Variants in ANKS1B observed in about 807,000 individuals in gnomAD.
The protein encoded by ANKS1B is ankyrin repeat and sterile alpha motif domain-containing protein 1B.
Under a neutral mutation model 148.3 loss-of-function variants are expected in ANKS1B, and 36 were observed. That is an observed-to-expected ratio of 0.24 (90% CI 0.19 to 0.32). The LOEUF is 0.32. Ranked by LOEUF, ANKS1B falls within the 10% of genes least tolerant of loss-of-function variation. The pLI, the probability that ANKS1B is intolerant of heterozygous loss-of-function variation, is 1.00. For synonymous variants in ANKS1B, 542 were observed against 560.8 expected, an observed-to-expected ratio of 0.97 and a Z score of 0.47; for missense variants, 1,157 against 1,542.6, an observed-to-expected ratio of 0.75 and a Z score of 4.19.
intron 12 of ANKS1B, among the ~76,000 whole-genome samples, chr12:99,256,940 T>C (rs1329561498): frequency 6.6e-6 from 1 of 152,170 alleles, no homozygotes; most frequent in Non-Finnish European, 1.5e-5. Flanking sequence ...TCTCCTACAT[T>C]TTTTAAAAAA....
At chr12:99,578,649 G>A (rs957740442) in intron 9 of ANKS1B, among the ~76,000 whole-genome samples, 2 of 152,096 alleles carry the variant, frequency 1.3e-5, no homozygotes, top group Admixed American at 6.5e-5. Flanking sequence ...CCAGGGAGGT[G>A]AAAGATCACT....
intron 25 of ANKS1B, among the ~76,000 whole-genome samples, chr12:98,752,219 T>A (rs975678178): frequency 6.6e-6 from 1 of 152,058 alleles, no homozygotes; most frequent in African/African-American, 2.4e-5. Context: ...CTTGGGCACA[T>A]GGTCTCAGGA....
intron 1 of ANKS1B, among the ~76,000 whole-genome samples, chr12:99,863,628 T>C (rs1215923737): frequency 1.3e-5 from 2 of 151,874 alleles, no homozygotes; most frequent in Non-Finnish European, 2.9e-5. Flanking sequence ...GGCAAGAGAA[T>C]TGCTTGAACC....
chr12:99,527,308 A>C (rs1186195968), intron 9 of ANKS1B, among the ~76,000 whole-genome samples: 1 of 152,226 alleles, frequency 6.6e-6, no homozygotes, highest in African/African-American at 2.4e-5. Context: ...GGGACTATCA[A>C]AAAAGGGGAT....
intron 21 of ANKS1B, among the ~76,000 whole-genome samples, chr12:98,799,927 A>G (rs1395073298): frequency 6.6e-6 from 1 of 151,966 alleles, no homozygotes; most frequent in African/African-American, 2.4e-5. Flanking sequence ...TTTAGAAGAT[A>G]TCTGATGGAC....
At chr12:99,011,973 G>A (rs1050423409) in intron 17 of ANKS1B, among the ~76,000 whole-genome samples, 1 of 152,196 alleles carries the variant, frequency 6.6e-6, no homozygotes, top group African/African-American at 2.4e-5. Flanking sequence ...AGGGAAAGTT[G>A]TATCACTGAT....
At chr12:99,852,589 G>A (rs758081755) in intron 1 of ANKS1B, among the ~76,000 whole-genome samples, 8 of 152,178 alleles carry the variant, frequency 5.3e-5, no homozygotes, top group African/African-American at 1.2e-4. Flanking sequence ...AAAAAATGGC[G>A]GATAGGAGGT....
Position 98,803,952 on chromosome 12 carries a change from C to T in ANKS1B, c.3142-2827G>A, listed in dbSNP as rs549839281. 1.4e-4 allele frequency among the ~76,000 whole-genome samples: 22 copies of T among 152,298 alleles called. No homozygotes were observed. In the South Asian group the frequency reaches 4.6e-3, roughly 32 times the overall value. ...CCATTGTGGGAATAACAAGCCCCAG[C>T]ACATACATTCCAATCTCGGTCTGGA... On this transcript the variant is annotated intron_variant, in intron 20 of 26. Transcript: ENST00000683438.
At chr12:99,291,553 C>A (rs1228934789) in intron 12 of ANKS1B, among the ~76,000 whole-genome samples, 1 of 152,042 alleles carries the variant, frequency 6.6e-6, no homozygotes, top group Non-Finnish European at 1.5e-5. Context: ...GCACATAGAC[C>A]AATGGAACAG....
intron 12 of ANKS1B, among the ~76,000 whole-genome samples, chr12:99,248,155 C>G (rs1210561257): frequency 1.3e-5 from 2 of 152,176 alleles, no homozygotes; most frequent in East Asian, 3.8e-4. Flanking sequence ...CGAATTCTCA[C>G]ATTTTTAAGA....
At chr12:99,874,701 G>A (rs573062980) in intron 1 of ANKS1B, among the ~76,000 whole-genome samples, 1 of 152,212 alleles carries the variant, frequency 6.6e-6, no homozygotes, top group South Asian at 2.1e-4. Flanking sequence ...AAGGAAGGTG[G>A]GACATATGCT....
At chr12:98,789,327 A>T (rs1320385902) in intron 22 of ANKS1B, among the ~76,000 whole-genome samples, 2 of 152,182 alleles carry the variant, frequency 1.3e-5, no homozygotes, top group African/African-American at 4.8e-5. Flanking sequence ...TGGGCGACAG[A>T]GAGACTCAAA....
At chr12:99,499,925 G>C (rs1461879381) in intron 10 of ANKS1B, among the ~76,000 whole-genome samples, 1 of 152,060 alleles carries the variant, frequency 6.6e-6, no homozygotes, top group East Asian at 1.9e-4. Context: ...TTAGCACCGA[G>C]ATTGGGCAGC....
At chr12:98,975,511 C>T (rs760470756) in intron 17 of ANKS1B, among the ~76,000 whole-genome samples, 4 of 151,936 alleles carry the variant, frequency 2.6e-5, no homozygotes, top group East Asian at 3.9e-4. Flanking sequence ...TAAGGGTGCA[C>T]GAAATAAAGT....
intron 8 of ANKS1B, among the ~76,000 whole-genome samples, chr12:99,699,359 C>T (rs181217091): frequency 4.6e-5 from 7 of 152,176 alleles, no homozygotes; most frequent in African/African-American, 1.7e-4. Flanking sequence ...TAATTACTTA[C>T]TTAATTTATG....
At chr12:99,621,852 A>C (rs964506649) in intron 9 of ANKS1B, among the ~76,000 whole-genome samples, 1 of 82,516 alleles carries the variant, frequency 1.2e-5, no homozygotes, top group African/African-American at 5.1e-5. Context: ...CAGATCATTG[A>C]GGCAGAAAAC....
At chr12:99,146,083 G>A (rs565385344) in intron 15 of ANKS1B, among the ~76,000 whole-genome samples, 1 of 152,146 alleles carries the variant, frequency 6.6e-6, no homozygotes, top group South Asian at 2.1e-4. Context: ...TATATGGTGA[G>A]AATTATATGG....
At chr12:99,811,782 T>C (rs774075767) in intron 3 of ANKS1B, among the ~76,000 whole-genome samples, 16 of 151,944 alleles carry the variant, frequency 1.1e-4, no homozygotes, top group Non-Finnish European at 2.1e-4. Flanking sequence ...ATGCAAATGA[T>C]AGGCATATCA....
intron 14 of ANKS1B, among the ~76,000 whole-genome samples, chr12:99,201,587 C>T (rs2082074509): frequency 6.6e-6 from 1 of 152,144 alleles, no homozygotes; most frequent in Non-Finnish European, 1.5e-5. Context: ...CAACACGCTC[C>T]TGTCTTGGTT....
Sources: gnomAD v4.1 joint callset for allele counts (sites outside exome capture counted in the v4.1 genomes callset) on GRCh38, gnomAD v4.1.1 for gene constraint, MANE v1.5 for transcripts, NCBI Gene and HGNC (gene_info 2026-07-23, HGNC 2026-07-21) for gene names.